The following DPYD variants were observed in gnomAD, a reference collection of about 807,000 sequenced individuals.
DPYD encodes dihydropyrimidine dehydrogenase [NADP(+)].
In DPYD, 109 loss-of-function variants were observed where a neutral mutation model predicts 116.2. The ratio of observed to expected loss-of-function variants is 0.94; its 90% CI spans 0.80 to 1.10. The LOEUF is 1.10. Ranked by LOEUF, DPYD falls within the 50% of genes least tolerant of loss-of-function variation. The pLI, the probability that DPYD is intolerant of heterozygous loss-of-function variation, is 0.00. For missense variants in DPYD, 1,302 were observed against 1,254.5 expected, an observed-to-expected ratio of 1.04 and a Z score of -0.57; for synonymous variants, 440 against 432.0, an observed-to-expected ratio of 1.02 and a Z score of -0.23.
chr1:97,884,810 T>C (rs1250209752), intron 1 of DPYD, among the ~76,000 whole-genome samples: 1 of 152,060 alleles, frequency 6.6e-6, no homozygotes, highest in Non-Finnish European at 1.5e-5. Flanking sequence ...CAGTTTATGA[T>C]ATACAGTACC....
intron 8 of DPYD, among the ~76,000 whole-genome samples, chr1:97,650,320 G>T (rs1283777284): frequency 6.6e-6 from 1 of 152,032 alleles, no homozygotes; most frequent in African/African-American, 2.4e-5. Flanking sequence ...AGTAGAAAAA[G>T]GAGCAAAACT....
At chr1:97,414,530 G>C (rs1674184179) in intron 14 of DPYD, among the ~76,000 whole-genome samples, 1 of 152,166 alleles carries the variant, frequency 6.6e-6, no homozygotes, top group Non-Finnish European at 1.5e-5. Context: ...TGCATCAGAG[G>C]GGGCTCAGAA....
At chr1:97,912,980 A>C (rs1052450344) in intron 1 of DPYD, among the ~76,000 whole-genome samples, 2 of 152,116 alleles carry the variant, frequency 1.3e-5, no homozygotes, top group South Asian at 2.1e-4. Context: ...TACAATCATC[A>C]ATCAACAAAC....
intron 3 of DPYD, among the ~76,000 whole-genome samples, chr1:97,806,654 C>T (rs1173543072): frequency 6.6e-6 from 1 of 151,916 alleles, no homozygotes; most frequent in East Asian, 1.9e-4. Flanking sequence ...GATGAACTAA[C>T]ATTGACACAT....
intron 7 of DPYD, among the ~76,000 whole-genome samples, chr1:97,688,540 A>G (rs565539056): frequency 9.2e-5 from 14 of 152,250 alleles, no homozygotes; most frequent in East Asian, 3.9e-4. Flanking sequence ...CAACTTCCAA[A>G]TTTAGTAAAA....
At chr1:97,692,215 C>G (rs1661046070) in intron 6 of DPYD, among the ~76,000 whole-genome samples, 1 of 151,790 alleles carries the variant, frequency 6.6e-6, no homozygotes, top group Admixed American at 6.6e-5. Context: ...TATATATATA[C>G]ACTAACATTC....
intron 12 of DPYD, chr1:97,546,080 A>G: frequency 7.1e-7 from 1 of 1,405,052 alleles, no homozygotes; most frequent in Non-Finnish European, 1.0e-6. Context: ...TAGGATCCTT[A>G]GTTACAGTGC....
At chr1:97,337,126 G>A (rs1177112825) in intron 16 of DPYD, among the ~76,000 whole-genome samples, 2 of 152,106 alleles carry the variant, frequency 1.3e-5, no homozygotes, top group Non-Finnish European at 2.9e-5. Flanking sequence ...TATTGAGAGG[G>A]TGGCAGAATC....
chr1:97,626,026 G>A (rs966429543), intron 8 of DPYD, among the ~76,000 whole-genome samples: 2 of 152,018 alleles, frequency 1.3e-5, no homozygotes, highest in Non-Finnish European at 2.9e-5. Context: ...ATCAAGGGTA[G>A]GAAAGCTTGT....
At chr1:97,395,569 A>C (rs78702962) in intron 14 of DPYD, among the ~76,000 whole-genome samples, 79 of 152,182 alleles carry the variant, frequency 5.2e-4, no homozygotes, top group African/African-American at 1.9e-3. Context: ...AATTTACATT[A>C]GAGATTCTAG....
chr1:97,747,750 T>G (rs1434883578), intron 3 of DPYD, among the ~76,000 whole-genome samples: 1 of 152,196 alleles, frequency 6.6e-6, no homozygotes, highest in African/African-American at 2.4e-5. Flanking sequence ...GTGTATTAAC[T>G]CAGAAAGCGT....
At chr1:97,486,840 G>A (rs1461851296) in intron 13 of DPYD, among the ~76,000 whole-genome samples, 1 of 151,606 alleles carries the variant, frequency 6.6e-6, no homozygotes, top group Non-Finnish European at 1.5e-5. Flanking sequence ...TTTTATATAA[G>A]CTATTTCTAA....
rs1042231311 is a variant in DPYD at position 97,243,767 on chromosome 1, T to C, written c.2300-8773A>G. 5.9e-5 allele frequency among the ~76,000 whole-genome samples: 9 copies of C among 152,114 alleles called. No individual in the cohort carries two copies. In the South Asian group the frequency reaches 8.3e-4, roughly 14 times the overall value. ...TAATTGTATAACTAGAGTAACCATATAGCCCAGTTTGCCCAAGAGAGTCCC... is the reference window on the plus strand; with the variant it reads ...TAATTGTATAACTAGAGTAACCATACAGCCCAGTTTGCCCAAGAGAGTCCC... On this transcript the variant is annotated intron_variant, in intron 18 of 22. Coordinates refer to ENST00000370192, the MANE Select transcript of DPYD (RefSeq NM_000110.4).
chr1:97,529,670 CTCTT>C (rs1223037976), intron 12 of DPYD, among the ~76,000 whole-genome samples: 6 of 146,924 alleles, frequency 4.1e-5, no homozygotes, highest in African/African-American at 7.4e-5. Flanking sequence ...TTTTTCTTTT[CTCTT>C]TCTCTTTTCT....
chr1:97,757,956 A>G (rs1277613320), intron 3 of DPYD, among the ~76,000 whole-genome samples: 1 of 152,178 alleles, frequency 6.6e-6, no homozygotes, highest in African/African-American at 2.4e-5. Context: ...TTTTGTCTGC[A>G]CTACTGAATT....
intron 13 of DPYD, among the ~76,000 whole-genome samples, chr1:97,499,326 AT>A (rs1679447264): frequency 6.6e-6 from 1 of 151,770 alleles, no homozygotes; most frequent in African/African-American, 2.4e-5. Flanking sequence ...AATGAATATA[AT>A]TTTTCTACAT....
intron 16 of DPYD, among the ~76,000 whole-genome samples, chr1:97,332,845 A>G (rs1669085842): frequency 6.6e-6 from 1 of 152,180 alleles, no homozygotes; most frequent in South Asian, 2.1e-4. Context: ...CTATTTGTGA[A>G]TGGTTGTAAA....
intron 14 of DPYD, among the ~76,000 whole-genome samples, chr1:97,389,130 G>C (rs1018151550): frequency 1.3e-5 from 2 of 151,834 alleles, no homozygotes; most frequent in African/African-American, 2.4e-5. Context: ...ATGAGGAAGA[G>C]ATAAAATGTG....
intron 18 of DPYD, among the ~76,000 whole-genome samples, chr1:97,292,612 T>C (rs1398875025): frequency 6.6e-6 from 1 of 152,050 alleles, no homozygotes; most frequent in Non-Finnish European, 1.5e-5. Flanking sequence ...CAAGCCTATA[T>C]AAAAAGGGTG....
Sources: gnomAD v4.1 joint callset for allele counts (sites outside exome capture counted in the v4.1 genomes callset) on GRCh38, gnomAD v4.1.1 for gene constraint, MANE v1.5 for transcripts, NCBI Gene and HGNC (gene_info 2026-07-23, HGNC 2026-07-21) for gene names.